The following IRS4 variants were observed in gnomAD, a reference collection of about 807,000 sequenced individuals.
IRS4 encodes insulin receptor substrate 4, also known as 160 kDa phosphotyrosine protein.
Under a neutral mutation model 48.6 loss-of-function variants are expected in IRS4, and 15 were observed. The ratio of observed to expected loss-of-function variants is 0.31; its 90% CI spans 0.21 to 0.48. The LOEUF is 0.48. IRS4 is among the 20% of genes least tolerant of loss of function. The pLI is 0.99. For missense variants in IRS4, 987 were observed against 1,023.4 expected (o/e 0.96, Z 0.49); for synonymous variants, 459 against 413.2 (o/e 1.11, Z -1.34).
chrX:108,726,656 TAA>T (rs1289851723), intron 1 of IRS4: 2 of 112,354 alleles, frequency 1.8e-5, no homozygotes, highest in Non-Finnish European at 3.8e-5. Flanking sequence ...ACTGTTATTC[TAA>T]GTTTCAAGTC....
intron 1 of IRS4, chrX:108,724,977 T>A (rs1300969807): frequency 2.7e-5 from 3 of 111,816 alleles, no homozygotes; most frequent in Admixed American, 9.5e-5. Flanking sequence ...CTACTCCTCC[T>A]ACCAAAATCT....
At chrX:108,732,532 A>C (rs779281873) in intron 1 of IRS4, 47 bp downstream of exon 1, 17 of 1,210,200 alleles carry the variant, frequency 1.4e-5, no homozygotes, top group Non-Finnish European at 1.7e-5. Flanking sequence ...TCGAATCATT[A>C]GACAATGACC....
chrX:108,733,135 AGGT>A lies in IRS4; in HGVS notation c.3207_3209del (p.Pro1070del). 1 of 1,211,365 alleles carries A rather than the reference AGGT, an allele frequency of 8.3e-7. No individual in the cohort carries two copies. Among genetic ancestry groups the A allele is most frequent in the Non-Finnish European group, 1.1e-6 (1 of 895,020 alleles). ...CTTCTTCCTGCAGCAGCCTAGCTACAGGTGGTGGTTCAGAACATCGGCTGGGGG... is the reference window on the plus strand; with the variant it reads ...CTTCTTCCTGCAGCAGCCTAGCTACAGGTGGTTCAGAACATCGGCTGGGGG... On this transcript the variant is annotated inframe_deletion, in exon 1 of 2. Coordinates refer to ENST00000372129, the MANE Select transcript of IRS4 (RefSeq NM_001379150.1).
chrX:108,726,369 G>A (rs944103662), intron 1 of IRS4: 2 of 111,620 alleles, frequency 1.8e-5, no homozygotes, highest in Non-Finnish European at 3.8e-5. Context: ...AATAGGAATT[G>A]TGTCCCCCAT....
At chrX:108,729,337 T>C (rs2068888520) in intron 1 of IRS4, among the ~76,000 whole-genome samples, 2 of 108,827 alleles carry the variant, frequency 1.8e-5, no homozygotes, top group Admixed American at 9.9e-5. Context: ...ACATTACTAA[T>C]TTGGCTGACC....
chrX:108,734,800 A>G lies in IRS4; in HGVS notation c.1545T>C (p.His515=). 8.3e-7 allele frequency: 1 copy of G among 1,211,008 alleles called. No homozygotes were observed. Among genetic ancestry groups the G allele is most frequent in the East Asian group, 3.0e-5 (1 of 33,797 alleles). ...QGSNGQGSSS[H]SSGGNQCSGE... The stretch of plus-strand genomic sequence containing the variant: ...CTGAACACTGGTTTCCTCCCGAGCT[A>G]TGGCTACTGGAGCCTTGGCCATTTG... Residue 515 remains histidine, a synonymous_variant, in exon 1 of 2, where the codon CAT becomes CAC. Transcript: ENST00000372129.
chrX:108,725,103 C>A, intron 1 of IRS4, among the ~76,000 whole-genome samples: 1 of 111,250 alleles, frequency 9.0e-6, no homozygotes, highest in East Asian at 2.8e-4. Context: ...CAGATGACTT[C>A]AATATCCCTG....
chrX:108,733,363 C>T lies in IRS4; in HGVS notation c.2982G>A (p.Arg994=), dbSNP rs759325111. ...TGAGGGGAAGGGGAGGAAGTGGCCA[C>T]CTAGCACTGTCCAGAGATAAGGGGT... The part of the protein sequence containing the change: ...RANPLSLDSA[R]WPLPPLPLSA... Residue 994 remains arginine (R), a synonymous_variant, in exon 1 of 2, where the codon AGG becomes AGA. Transcript: ENST00000372129. The T allele has an allele frequency of 8.3e-7, 1 of 1,210,110 alleles. No individual in the cohort carries two copies. The highest frequency in any genetic ancestry group is 2.2e-5 in the Admixed American group (1 of 45,793).
In IRS4 at chrX:108,734,337, C is replaced by G. The variant is rs771581593; in HGVS notation, c.2008G>C (p.Ala670Pro). The G allele has an allele frequency of 5.0e-6, 6 of 1,211,323 alleles. No homozygotes were observed. The highest frequency in any genetic ancestry group is 1.8e-5 in the South Asian group (1 of 56,942). The change falls in exon 1 of 2, where the codon GCC (alanine) becomes CCC (proline). Residue 670 changes from alanine to proline, a missense_variant. Physicochemically the swap from Ala to Pro is conservative, Grantham distance 27 (BLOSUM62 -1). This residue lies in a region of IRS4 where 720 missense variants were observed against 660.3 expected (regional missense o/e 1.09). Transcript: ENST00000372129. ...DRGATKECKEAKEVKDAEIPE... is the reference protein window; with the variant it reads ...DRGATKECKEPKEVKDAEIPE... ...ATCTCTGCATCTTTCACTTCTTTGGCTTCTTTGCATTCTTTCGTGGCTCCT... is the reference window on the plus strand; with the variant it reads ...ATCTCTGCATCTTTCACTTCTTTGGGTTCTTTGCATTCTTTCGTGGCTCCT...
In IRS4 at chrX:108,733,321, A is replaced by G; in HGVS notation, c.3024T>C (p.Asn1008=). Residue 1008 remains asparagine (N), a synonymous_variant, in exon 1 of 2, where the codon AAT becomes AAC. Coordinates refer to ENST00000372129, the MANE Select transcript of IRS4 (RefSeq NM_001379150.1). ...TGTAGTCACCCTCTTCCTCAATAGCATTGCTACCTGTAGCACTGAGGGGAA... is the reference window on the plus strand; with the variant it reads ...TGTAGTCACCCTCTTCCTCAATAGCGTTGCTACCTGTAGCACTGAGGGGAA... ...PPLPLSATGS[N]AIEEEGDYIE... 6.6e-6 allele frequency: 8 copies of G among 1,211,707 alleles called. No homozygotes were observed. The highest frequency in any genetic ancestry group is 8.9e-6 in the Non-Finnish European group (8 of 895,450).
At position 108,735,886 on chromosome X, in the gene IRS4, G is replaced by A. The variant is rs1377632957; in HGVS notation, c.459C>T (p.Cys153=). 9 of 1,210,154 alleles carry A rather than the reference G, an allele frequency of 7.4e-6. No individual in the cohort carries two copies. Among genetic ancestry groups the A allele is most frequent in the Non-Finnish European group, 7.8e-6 (7 of 894,830 alleles). The change falls in exon 1 of 2, where the codon TGC becomes TGT. Residue 153 remains cysteine, a synonymous_variant. Coordinates refer to ENST00000372129, the MANE Select transcript of IRS4 (RefSeq NM_001379150.1). ...CATCTGCTCGCTGGCTCACGGAAAA[G>A]CACTGGTATAGGGTGATCACGCGCC... is the stretch of plus-strand genomic sequence containing the variant. The part of the protein sequence containing the change: ...PPRRVITLYQ[C]FSVSQRADAR...
chrX:108,733,689 C>A lies in IRS4; in HGVS notation c.2656G>T (p.Ala886Ser). 8.3e-7 allele frequency: 1 copy of A among 1,211,611 alleles called. No individual in the cohort carries two copies. Among genetic ancestry groups the A allele is most frequent in the Non-Finnish European group, 1.1e-6 (1 of 895,523 alleles). Residue 886 changes from alanine to serine, a missense_variant, in exon 1 of 2, where the codon GCT becomes TCT. Transcript: ENST00000372129. ...AAAGAAAGTCGGTTAGGTCTCTTAG[C>A]TTTATTCTTTGGGGGCTCATGATCT... ...PSDHEPPKNK[A>S]KRPNRLSFIT...
In IRS4 at chrX:108,732,995, G is replaced by A. The variant is rs774555275; in HGVS notation, c.3350C>T (p.Ala1117Val). ...SLERDLSPSS[A>V]PAVASAAEPT... ...CTCTGCAGCCGAAGCGACAGCCGGG[G>A]CTGAGGATGGGGAAAGGTCTCTCTC... Residue 1117 changes from alanine (A) to valine (V), a missense_variant, in exon 1 of 2, where the codon GCC becomes GTC. Transcript: ENST00000372129. 2 of 1,206,565 alleles carry A rather than the reference G, an allele frequency of 1.7e-6. No individual in the cohort carries two copies. The highest frequency in any genetic ancestry group is 2.2e-6 in the Non-Finnish European group (2 of 891,443).
Position 108,732,817 on chromosome X carries a change from C to G in IRS4, c.3528G>C (p.Arg1176Ser). ...AGCCACCGGCAACGTCTTGGGCTCC[C>G]CTTACTGCTTCGGCATCAGCAGCAT... Reference protein sequence around the residue: ...VANAADAEAVRGAQDVAGGSN... With the variant: ...VANAADAEAVSGAQDVAGGSN... The change falls in exon 1 of 2, where the codon AGG becomes AGC. Residue 1176 changes from arginine (R) to serine (S), a missense_variant. Coordinates refer to ENST00000372129, the MANE Select transcript of IRS4 (RefSeq NM_001379150.1). 1 of 1,182,678 alleles carries G rather than the reference C, an allele frequency of 8.5e-7. No individual in the cohort carries two copies. Among genetic ancestry groups the G allele is most frequent in the South Asian group, 1.9e-5 (1 of 52,401 alleles).
rs146331588 is a variant in IRS4 at position 108,734,853 on chromosome X, C to T, written c.1492G>A (p.Gly498Ser). 14 of 1,210,294 alleles carry T rather than the reference C, an allele frequency of 1.2e-5. No individual in the cohort carries two copies. The African/African-American group carries it at 2.1e-4, about 18-fold the overall frequency. ...CCCTGGCCACCTCCTGAGCCCCGGC[C>T]ATTTCCTGAGCCCCAATTGTTCATA... is the stretch of plus-strand genomic sequence containing the variant. ...MPMNNWGSGN[G>S]RGSGGGQGSN... The change falls in exon 1 of 2, where the codon GGC becomes AGC. Residue 498 changes from glycine to serine, a missense_variant. Gly to Ser is a moderately conservative substitution (Grantham distance 56). Coordinates refer to ENST00000372129, the MANE Select transcript of IRS4 (RefSeq NM_001379150.1).
rs772215837 is a variant in IRS4 at position 108,735,301 on chromosome X, G to T, written c.1044C>A (p.Gly348=). ...ARCRSYSISI[G]AHLLTLLSAR... ...CGGACAGCAGGGTTAACAGGTGGGC[G>T]CCGATGCTGATGCTGTAGCTGCGGC... The change falls in exon 1 of 2, where the codon GGC becomes GGA. Residue 348 remains glycine, a synonymous_variant. Transcript: ENST00000372129. 2.1e-5 allele frequency: 25 copies of T among 1,209,540 alleles called. No individual in the cohort carries two copies. In the South Asian group the frequency reaches 4.0e-4, roughly 20 times the overall value.
intron 1 of IRS4, chrX:108,724,407 T>C (rs1473231385): frequency 8.9e-6 from 1 of 112,546 alleles, no homozygotes; most frequent in Non-Finnish European, 1.9e-5. Flanking sequence ...TGATTAACTA[T>C]GCTAGTAGAA....
chrX:108,722,327 C>A lies in IRS4; in HGVS notation c.*192G>T. The A allele has an allele frequency of 4.6e-6, 1 of 215,506 alleles. No homozygotes were observed. The highest frequency in any genetic ancestry group is 1.1e-4 in the East Asian group (1 of 8,893). 17.8% of individuals were successfully genotyped at this position (215,506 alleles called of 1,213,427 possible). On this transcript the variant is annotated 3_prime_UTR_variant, in exon 2 of 2. Transcript: ENST00000372129. ...AATTAGAAATCACTGGATCCATAAG[C>A]AGCAGTATGAATGATCTGCATGAAT...
chrX:108,725,757 A>G (rs186770704), intron 1 of IRS4: 2 of 112,085 alleles, frequency 1.8e-5, no homozygotes, highest in Non-Finnish European at 3.8e-5. Context: ...TATCTCCTTC[A>G]TAGATCGGAT....
Sources: allele counts gnomAD v4.1 joint callset (sites outside exome capture counted in the v4.1 genomes callset), GRCh38; gene constraint gnomAD v4.1.1; regional missense constraint gnomAD v4.1.1; transcripts MANE v1.5; gene names NCBI Gene and HGNC (gene_info 2026-07-23, HGNC 2026-07-21).